The following MGA variants were observed in gnomAD, a reference collection of about 807,000 sequenced individuals.
MGA encodes the protein MAX gene-associated protein.
A neutral mutation model predicts 261.1 loss-of-function variants in MGA; 40 were observed. The observed-to-expected ratio is 0.15, with a 90% CI of 0.12 to 0.20. The LOEUF (loss-of-function observed/expected upper bound fraction) is 0.20. Ranked by LOEUF, MGA falls within the 10% of genes least tolerant of loss-of-function variation. The probability of loss-of-function intolerance (pLI) is 1.00; values close to 1 mark genes in which losing one functional copy is unlikely to be tolerated. For missense variants in MGA, 3,397 were observed against 3,630.5 expected, an observed-to-expected ratio of 0.94 and a Z score of 1.65; for synonymous variants, 1,302 against 1,290.6, an observed-to-expected ratio of 1.01 and a Z score of -0.19.
rs1185175840 is a variant in MGA at position 41,750,398 on chromosome 15, G to T, written c.6791G>T (p.Ser2264Ile). Residue 2264 changes from serine to isoleucine, a missense_variant, in exon 17 of 24, where the codon AGC becomes ATC. Physicochemically the swap from Ser to Ile is moderately radical, Grantham distance 142. Coordinates refer to ENST00000219905, the MANE Select transcript of MGA (RefSeq NM_001164273.2). ...GTTCCTAGGAGAGCTGCAAAAAGCAGCAGAGGGAATGGACATTTTCAGGGT... is the reference window on the plus strand; with the variant it reads ...GTTCCTAGGAGAGCTGCAAAAAGCATCAGAGGGAATGGACATTTTCAGGGT... The T allele has an allele frequency of 6.2e-7, 1 of 1,613,822 alleles. No homozygotes were observed. The highest frequency in any genetic ancestry group is 8.5e-7 in the Non-Finnish European group (1 of 1,179,888).
chr15:41,727,049 G>T, intron 9 of MGA, 131 bp from the exon 10 acceptor site: 1 of 631,272 alleles, frequency 1.6e-6, no homozygotes, highest in Non-Finnish European at 2.7e-6. Context: ...GTTTGGGGAG[G>T]GGGTCGTCTA....
intron 13 of MGA, 46 bp from the exon 14 acceptor site, chr15:41,739,860 A>AC: frequency 1.3e-6 from 2 of 1,576,388 alleles, no homozygotes; most frequent in Non-Finnish European, 1.7e-6. Flanking sequence ...AGGAGTTAGC[A>AC]AGAGAATTTT....
At position 41,750,108 on chromosome 15, in the gene MGA, G is replaced by T. The variant is rs750298940; in HGVS notation, c.6501G>T (p.Leu2167=). ...AAGAGAAGGAATGTGGAGACTCTCT[G>T]GAGAAAGACAGGGAAAGATGGAGAA... is the stretch of plus-strand genomic sequence containing the variant. The change falls in exon 17 of 24, where the codon CTG becomes CTT. Residue 2167 remains leucine, a synonymous_variant. Transcript: ENST00000219905. The T allele has an allele frequency of 6.2e-7, 1 of 1,613,306 alleles. No individual in the cohort carries two copies. The highest frequency in any genetic ancestry group is 8.5e-7 in the Non-Finnish European group (1 of 1,179,762).
intron 2 of MGA, among the ~76,000 whole-genome samples, chr15:41,685,605 G>A (rs1007110202): frequency 2.0e-5 from 3 of 152,114 alleles, no homozygotes; most frequent in African/African-American, 7.2e-5. Context: ...ATCTTGTTTA[G>A]TTTATCTCAA....
intron 1 of MGA, among the ~76,000 whole-genome samples, chr15:41,660,773 T>C (rs993152617): frequency 2.6e-5 from 4 of 152,052 alleles, no homozygotes; most frequent in Non-Finnish European, 2.9e-5. Context: ...GCTACCTAAC[T>C]GGGAACATCG....
At chr15:41,712,524 A>T (rs898524514) in intron 8 of MGA, among the ~76,000 whole-genome samples, 2 of 152,116 alleles carry the variant, frequency 1.3e-5, no homozygotes, top group African/African-American at 4.8e-5. Flanking sequence ...GGCCTTCATC[A>T]TTACTTTTTT....
At position 41,740,448 on chromosome 15, in the gene MGA, AAC is replaced by A. The variant is rs1342864186; in HGVS notation, c.4585+248_4585+249del. Among the ~76,000 whole-genome samples the A allele has an allele frequency of 1.8e-4, 28 of 152,156 alleles. 1 individual carries two copies. Among genetic ancestry groups the A allele is most frequent in the African/African-American group, 6.5e-4 (27 of 41,542 alleles). On this transcript the variant is annotated intron_variant, in intron 14 of 23. Coordinates refer to ENST00000219905, the MANE Select transcript of MGA (RefSeq NM_001164273.2). ...TTATATATATTTTTTATTTTTTAATAACACTGACTTGAAGGCAAGTTTTATAG... is the reference window on the plus strand; with the variant it reads ...TTATATATATTTTTTATTTTTTAATAACTGACTTGAAGGCAAGTTTTATAG...
chr15:41,713,976 T>C (rs2060504075), intron 9 of MGA, among the ~76,000 whole-genome samples: 1 of 152,112 alleles, frequency 6.6e-6, no homozygotes, highest in Admixed American at 6.5e-5. Flanking sequence ...TGTTGAAAAT[T>C]GGGTTTTTTT....
intron 1 of MGA, 147 bp downstream of exon 1, chr15:41,660,672 C>T (rs1232436272): frequency 1.3e-5 from 2 of 152,524 alleles, no homozygotes; most frequent in Non-Finnish European, 2.9e-5. Context: ...GGGCCTTGCG[C>T]AGGGCCGCCT....
In MGA at chr15:41,767,503, C is replaced by A. The variant is rs1360755494; in HGVS notation, c.*223C>A. ...TGTTACCTCACTTGTGGTGCTGGGT[C>A]CCCTCATCCTCTCTAAGAAGATGTG... On this transcript the variant is annotated 3_prime_UTR_variant, in exon 24 of 24. Coordinates refer to ENST00000219905, the MANE Select transcript of MGA (RefSeq NM_001164273.2). 1.8e-6 allele frequency: 1 copy of A among 564,674 alleles called. No homozygotes were observed. The highest frequency in any genetic ancestry group is 3.1e-6 in the Non-Finnish European group (1 of 319,710). 35.0% of individuals were successfully genotyped at this position (564,674 alleles called of 1,614,324 possible).
At chr15:41,704,531 A>G (rs756914544) in intron 5 of MGA, among the ~76,000 whole-genome samples, 4 of 152,106 alleles carry the variant, frequency 2.6e-5, no homozygotes, top group East Asian at 1.9e-4. Flanking sequence ...GGTGGTGGGC[A>G]CCTGTAGTCC....
At chr15:41,634,419 T>G (rs1003289177) in intron 1 of MGA, among the ~76,000 whole-genome samples, 8 of 152,240 alleles carry the variant, frequency 5.3e-5, no homozygotes, top group African/African-American at 1.7e-4. Context: ...ACTCTTAATC[T>G]TCCTGCTGAA....
chr15:41,696,071 C>G lies in MGA; in HGVS notation c.1065-4C>G. On this transcript the variant is annotated splice_region_variant and splice_polypyrimidine_tract_variant and intron_variant, in intron 2 of 23. Coordinates refer to ENST00000219905, the MANE Select transcript of MGA (RefSeq NM_001164273.2). ...TAAAATCCCTTTCTCCTCTCTCTCT[C>G]CAGTCTTATTGCCAGCAGTTTTGAA... 2 of 1,591,282 alleles carry G rather than the reference C, an allele frequency of 1.3e-6. No individual in the cohort carries two copies. Among genetic ancestry groups the G allele is most frequent in the Non-Finnish European group, 1.7e-6 (2 of 1,165,806 alleles).
At chr15:41,684,457 T>C (rs1167522137) in intron 2 of MGA, 1 of 419,472 alleles carries the variant, frequency 2.4e-6, no homozygotes, top group Non-Finnish European at 4.7e-6. Context: ...CTTAACTGTT[T>C]GTGAAATTTT....
chr15:41,669,812 T>C lies in MGA; in HGVS notation c.918T>C (p.Asp306=). 3.1e-6 allele frequency: 5 copies of C among 1,613,958 alleles called. No individual in the cohort carries two copies. The highest frequency in any genetic ancestry group is 4.2e-6 in the Non-Finnish European group (5 of 1,179,892). ...AGGGGTCAGAGATACAACCAGGTGA[T>C]TTGGATCCTTTGTCAAGGGGTCATG... The change falls in exon 2 of 24, where the codon GAT becomes GAC. Residue 306 remains aspartate, a synonymous_variant. Transcript: ENST00000219905.
At position 41,749,252 on chromosome 15, in the gene MGA, A is replaced by G; in HGVS notation, c.5645A>G (p.Gln1882Arg). Residue 1882 changes from glutamine (Q) to arginine (R), a missense_variant, in exon 17 of 24, where the codon CAG becomes CGG. Transcript: ENST00000219905. Reference sequence around the variant, plus strand: ...TCTTCAGCAGTGAATGTTATCACTCAGGCACCATCATTGCTTTCCTCTGGA... The same window carrying G: ...TCTTCAGCAGTGAATGTTATCACTCGGGCACCATCATTGCTTTCCTCTGGA... 1.2e-6 allele frequency: 2 copies of G among 1,614,038 alleles called. No homozygotes were observed. Among genetic ancestry groups the G allele is most frequent in the Non-Finnish European group, 1.7e-6 (2 of 1,179,896 alleles).
chr15:41,756,880 T>C (rs2063181328), intron 18 of MGA, among the ~76,000 whole-genome samples: 2 of 152,080 alleles, frequency 1.3e-5, no homozygotes, highest in African/African-American at 4.8e-5. Flanking sequence ...AGGCATTAGC[T>C]ACTGTGCCTG....
At chr15:41,733,996 A>G (rs1278795259) in intron 11 of MGA, among the ~76,000 whole-genome samples, 1 of 149,236 alleles carries the variant, frequency 6.7e-6, no homozygotes, top group Non-Finnish European at 1.5e-5. Context: ...GCTCACTGCA[A>G]CCTTCAGCTC....
intron 1 of MGA, among the ~76,000 whole-genome samples, chr15:41,631,558 A>T (rs79866386): frequency 0.018 from 2,800 of 152,286 alleles, 83 homozygotes; most frequent in African/African-American, 0.064. Context: ...AAATGGTAGA[A>T]TGTCATTTAT....
Sources: allele counts gnomAD v4.1 joint callset (sites outside exome capture counted in the v4.1 genomes callset), GRCh38; gene constraint gnomAD v4.1.1; transcripts MANE v1.5; gene names NCBI Gene and HGNC (gene_info 2026-07-23, HGNC 2026-07-21).